ANKRD26: variants seen among roughly 807,000 people sequenced by gnomAD.
ANKRD26 encodes the protein ankyrin repeat domain 26, also known as ankyrin repeat domain-containing protein 26.
In ANKRD26, 141 loss-of-function variants were observed where a neutral mutation model predicts 208.7. That is an observed-to-expected ratio of 0.68 (90% CI 0.59 to 0.78). The LOEUF (loss-of-function observed/expected upper bound fraction) is 0.78. Ranked by LOEUF, ANKRD26 falls within the 30% of genes least tolerant of loss-of-function variation. The pLI, the probability that ANKRD26 is intolerant of heterozygous loss-of-function variation, is 0.00. For missense variants in ANKRD26, 1,889 were observed against 1,938.7 expected, an observed-to-expected ratio of 0.97 and a Z score of 0.48; for synonymous variants, 636 against 660.4, an observed-to-expected ratio of 0.96 and a Z score of 0.57.
chr10:26,998,616 G>A (rs2052649485), intron 4 of ANKRD26, among the ~76,000 whole-genome samples: 1 of 152,244 alleles, frequency 6.6e-6, no homozygotes, highest in Non-Finnish European at 1.5e-5. Context: ...ATGGAAGTCA[G>A]GAAATTCTAT....
In ANKRD26 at chr10:27,040,209, T is replaced by C. The variant is rs760652246; in HGVS notation, c.2162-31A>G. The C allele has an allele frequency of 2.0e-5, 30 of 1,510,668 alleles. 1 individual carries two copies. In the Admixed American group the frequency reaches 4.7e-4, roughly 24 times the overall value. 93.6% of individuals were successfully genotyped at this position (1,510,668 alleles called of 1,614,324 possible). ...TCAGGAAGAAAACAAGATAGAAATA[T>C]ATGAGCATTTTTCCATATAACACAC... On this transcript the variant is annotated intron_variant, in intron 20 of 33. Coordinates refer to ENST00000376087, the MANE Select transcript of ANKRD26 (RefSeq NM_014915.3).
At chr10:26,949,018 T>A in the ANKRD26 span, among the ~76,000 whole-genome samples, 1 of 152,062 alleles carries the variant, frequency 6.6e-6, no homozygotes, top group Non-Finnish European at 1.5e-5. Flanking sequence ...TATTAAATAC[T>A]GATCTAGTAT....
chr10:26,960,024 T>C, the ANKRD26 span, among the ~76,000 whole-genome samples: 3 of 151,588 alleles, frequency 2.0e-5, no homozygotes, highest in Admixed American at 1.3e-4. Flanking sequence ...TAGCTGGAAG[T>C]GGAAGCACAC....
chr10:27,039,234 A>T (rs1312170086), intron 21 of ANKRD26, among the ~76,000 whole-genome samples: 1 of 152,090 alleles, frequency 6.6e-6, no homozygotes, highest in Non-Finnish European at 1.5e-5. Flanking sequence ...CGGGAGGATC[A>T]CAAGGTCAGG....
intron 33 of ANKRD26, among the ~76,000 whole-genome samples, chr10:27,006,031 A>G (rs2052864320): frequency 6.6e-6 from 1 of 152,192 alleles, no homozygotes; most frequent in Admixed American, 6.5e-5. Flanking sequence ...TAACAAACAT[A>G]TGCTATAATC....
chr10:27,020,261 C>T (rs2053442534), intron 29 of ANKRD26, among the ~76,000 whole-genome samples: 1 of 152,190 alleles, frequency 6.6e-6, no homozygotes, highest in African/African-American at 2.4e-5. Context: ...TATCCATCAC[C>T]TCAAACATTT....
In ANKRD26 at chr10:27,024,459, CT is replaced by C. The variant is rs767929973; in HGVS notation, c.4072del (p.Arg1358GlufsTer3). On this transcript the variant is annotated frameshift_variant, in exon 28 of 34. Transcript: ENST00000376087. LOFTEE classifies it high-confidence loss of function. The stretch of plus-strand genomic sequence containing the variant: ...ATTAAAATCTTACCCAGTTATCTCT[CT>C]TTCTAATTCAACATTTTTCTTCATT... ...QEMKKNVELEREITGFKNLLK... is the reference protein window; with the variant it reads ...QEMKKNVELEXEITGFKNLLK... The C allele has an allele frequency of 6.6e-6, 10 of 1,508,978 alleles. No individual in the cohort carries two copies. The highest frequency in any genetic ancestry group is 9.2e-6 in the Non-Finnish European group (10 of 1,089,332). 93.5% of individuals were successfully genotyped at this position (1,508,978 alleles called of 1,614,324 possible).
chr10:27,045,826 C>T (rs1323261400), intron 18 of ANKRD26, among the ~76,000 whole-genome samples: 1 of 152,094 alleles, frequency 6.6e-6, no homozygotes, highest in East Asian at 1.9e-4. Context: ...AATTATATTA[C>T]AATACTCCAT....
In ANKRD26 at chr10:27,093,611, T is replaced by C. The variant is rs1258475725; in HGVS notation, c.357+74A>G. On this transcript the variant is annotated intron_variant, in intron 2 of 33. Coordinates refer to ENST00000376087, the MANE Select transcript of ANKRD26 (RefSeq NM_014915.3). ...GTTTCACCAATTAGTTATATTTTAA[T>C]GAGATAAATTCATTTTCATTCTATG... The C allele has an allele frequency of 3.8e-6, 6 of 1,595,870 alleles. No homozygotes were observed. In the East Asian group the frequency reaches 1.1e-4, roughly 30 times the overall value.
chr10:27,093,701 C>T lies in ANKRD26; in HGVS notation c.341G>A (p.Arg114Lys). ...ACTATATACCTTCATCAGAGCTGTC[C>T]TGTTTTCGTTGTCACAGACATTGAG... Reference protein sequence around the residue: ...CQLNVCDNENRTALMKAVQCQ... With the variant: ...CQLNVCDNENKTALMKAVQCQ... Residue 114 changes from arginine (R) to lysine (K), a missense_variant, in exon 2 of 34, where the codon AGG (arginine) becomes AAG (lysine). Arg to Lys is a conservative substitution (Grantham distance 26). This residue lies in a region of ANKRD26 where 1,272 missense variants were observed against 1,273.8 expected (regional missense o/e 1.00). Coordinates refer to ENST00000376087, the MANE Select transcript of ANKRD26 (RefSeq NM_014915.3). The T allele has an allele frequency of 6.2e-7, 1 of 1,614,056 alleles. No individual in the cohort carries two copies. The highest frequency in any genetic ancestry group is 8.5e-7 in the Non-Finnish European group (1 of 1,179,914).
chr10:27,033,095 A>G, intron 25 of ANKRD26, 130 bp downstream of exon 25: 1 of 595,602 alleles, frequency 1.7e-6, no homozygotes, highest in Non-Finnish European at 2.4e-6. Context: ...AAAAAAAAAA[A>G]AGATAATAAA....
intron 32 of ANKRD26, among the ~76,000 whole-genome samples, chr10:27,009,087 C>A (rs1162205857): frequency 1.3e-5 from 2 of 152,212 alleles, no homozygotes; most frequent in African/African-American, 2.4e-5. Flanking sequence ...GATCCGCCCA[C>A]CTGGGCCTCC....
the ANKRD26 span, among the ~76,000 whole-genome samples, chr10:26,956,750 C>T: frequency 6.6e-6 from 1 of 152,156 alleles, no homozygotes; most frequent in African/African-American, 2.4e-5. Context: ...AAGATCCATT[C>T]CACTGGCTCA....
the ANKRD26 span, among the ~76,000 whole-genome samples, chr10:26,967,264 T>G: frequency 1.3e-5 from 2 of 152,198 alleles, no homozygotes; most frequent in Non-Finnish European, 2.9e-5. Context: ...AGATAGATAT[T>G]TTTAGCATAA....
At chr10:27,064,482 G>A (rs551269709) in intron 11 of ANKRD26, among the ~76,000 whole-genome samples, 8 of 151,594 alleles carry the variant, frequency 5.3e-5, no homozygotes, top group Non-Finnish European at 8.8e-5. Context: ...TGATTAAGAG[G>A]GAAAAAAAAG....
intron 30 of ANKRD26, among the ~76,000 whole-genome samples, chr10:27,015,316 G>T (rs556009307): frequency 4.6e-5 from 7 of 152,322 alleles, no homozygotes; most frequent in African/African-American, 1.4e-4. Flanking sequence ...CCAAGGTGTT[G>T]GATCTCTTAC....
chr10:27,060,574 C>A, intron 13 of ANKRD26, 34 bp from the exon 14 acceptor site: 8 of 1,413,186 alleles, frequency 5.7e-6, no homozygotes, highest in Non-Finnish European at 8.0e-6. Flanking sequence ...ATCAATTATA[C>A]ATAAATATGA....
At chr10:27,029,263 C>T (rs572158989) in intron 26 of ANKRD26, 23 bp downstream of exon 26, 8 of 1,596,896 alleles carry the variant, frequency 5.0e-6, no homozygotes, top group Middle Eastern at 1.7e-4. Flanking sequence ...TCATGTTTTT[C>T]TGTGTGCTGC....
intron 12 of ANKRD26, 121 bp downstream of exon 12, chr10:27,063,867 T>C (rs2055150516): frequency 1.2e-6 from 1 of 827,778 alleles, no homozygotes. Context: ...ATTTTACCTC[T>C]CTTTATTCTT....
Sources: gnomAD v4.1 joint callset for allele counts (sites outside exome capture counted in the v4.1 genomes callset) on GRCh38, gnomAD v4.1.1 for gene constraint, gnomAD v4.1.1 regional missense constraint, MANE v1.5 for transcripts, NCBI Gene and HGNC (gene_info 2026-07-23, HGNC 2026-07-21) for gene names.